Variants in KLF12 observed in about 807,000 individuals in gnomAD.
KLF12 encodes Krueppel-like factor 12.
In KLF12, 9 loss-of-function variants were observed where a neutral mutation model predicts 37.8. That is an observed-to-expected ratio of 0.24 (90% confidence interval 0.14 to 0.42). The LOEUF (loss-of-function observed/expected upper bound fraction) is 0.42. Among genes scored for constraint, KLF12 ranks in the 10% least tolerant of loss-of-function variants. KLF12 has a pLI of 1.00. For missense variants in KLF12, 411 were observed against 516.0 expected (o/e 0.80, Z 1.97); for synonymous variants, 208 against 202.1 (o/e 1.03, Z -0.25).
At chr13:74,022,454 A>G (rs1892864642) in intron 1 of KLF12, among the ~76,000 whole-genome samples, 1 of 149,782 alleles carries the variant, frequency 6.7e-6, no homozygotes, top group Non-Finnish European at 1.5e-5. Flanking sequence ...CAGTGGCCAC[A>G]GTCTCCCACT....
At chr13:74,191,413 T>C in the KLF12 span, among the ~76,000 whole-genome samples, 1 of 152,174 alleles carries the variant, frequency 6.6e-6, no homozygotes, top group Non-Finnish European at 1.5e-5. Flanking sequence ...TTTTGTTGAG[T>C]TATATTTATT....
chr13:73,774,092 C>A (rs1290883589), intron 5 of KLF12, among the ~76,000 whole-genome samples: 1 of 152,054 alleles, frequency 6.6e-6, no homozygotes, highest in African/African-American at 2.4e-5. Context: ...CCACTTTATG[C>A]CTAGTACCAG....
intron 1 of KLF12, among the ~76,000 whole-genome samples, chr13:73,997,559 A>G (rs1892158056): frequency 6.6e-6 from 1 of 152,182 alleles, no homozygotes; most frequent in South Asian, 2.1e-4. Context: ...TTTTCCCCCC[A>G]ATCCCTATCA....
At chr13:74,123,857 G>T (rs1158944008) in intron 1 of KLF12, among the ~76,000 whole-genome samples, 1 of 152,164 alleles carries the variant, frequency 6.6e-6, no homozygotes, top group East Asian at 1.9e-4. Flanking sequence ...GGCAATTAGG[G>T]TTCTAGTTCT....
At chr13:74,017,532 T>C (rs1319343641) in intron 1 of KLF12, among the ~76,000 whole-genome samples, 3 of 151,390 alleles carry the variant, frequency 2.0e-5, no homozygotes, top group Non-Finnish European at 4.4e-5. Flanking sequence ...TGGTACCAAC[T>C]TTATCAAAAG....
intron 3 of KLF12, among the ~76,000 whole-genome samples, chr13:73,886,538 T>A (rs1840689347): frequency 6.6e-6 from 1 of 151,996 alleles, no homozygotes; most frequent in African/African-American, 2.4e-5. Context: ...AATACCTAGG[T>A]GATGGGCTGA....
the KLF12 span, among the ~76,000 whole-genome samples, chr13:74,292,877 G>A: frequency 6.6e-5 from 10 of 152,202 alleles, 1 homozygote; most frequent in East Asian, 1.9e-3. Flanking sequence ...AGCATGTCAG[G>A]TCCACATGAG....
chr13:74,078,410 A>C (rs1211384368), intron 1 of KLF12, among the ~76,000 whole-genome samples: 1 of 152,342 alleles, frequency 6.6e-6, no homozygotes, highest in East Asian at 1.9e-4. Flanking sequence ...GAAACAGAAG[A>C]CACGTGCTTG....
At chr13:73,993,347 A>C (rs1892023987) in intron 2 of KLF12, among the ~76,000 whole-genome samples, 4 of 152,248 alleles carry the variant, frequency 2.6e-5, no homozygotes, top group Admixed American at 2.6e-4. Flanking sequence ...CATAAATTAC[A>C]GTCAATCATA....
chr13:73,846,729 G>C (rs1050041048), intron 3 of KLF12, among the ~76,000 whole-genome samples: 5 of 151,948 alleles, frequency 3.3e-5, no homozygotes, highest in African/African-American at 1.2e-4. Context: ...ATATTACCTG[G>C]CAACAATAGT....
intron 2 of KLF12, among the ~76,000 whole-genome samples, chr13:73,961,497 G>C (rs1179643882): frequency 6.6e-6 from 1 of 152,132 alleles, no homozygotes; most frequent in East Asian, 1.9e-4. Context: ...AGAAAACTCT[G>C]TGAGAACCAG....
At chr13:73,895,935 C>G (rs1312962554) in intron 3 of KLF12, among the ~76,000 whole-genome samples, 5 of 151,902 alleles carry the variant, frequency 3.3e-5, no homozygotes, top group Non-Finnish European at 7.4e-5. Context: ...ATTCTCCTAC[C>G]TCAGCCTCCC....
chr13:74,044,559 A>G (rs888954867), intron 1 of KLF12, among the ~76,000 whole-genome samples: 1 of 152,204 alleles, frequency 6.6e-6, no homozygotes, highest in African/African-American at 2.4e-5. Flanking sequence ...AGAGTTACCA[A>G]TGGCAAGCTG....
chr13:73,875,772 A>T (rs1886676267), intron 3 of KLF12, among the ~76,000 whole-genome samples: 3 of 152,242 alleles, frequency 2.0e-5, no homozygotes, highest in South Asian at 2.1e-4. Flanking sequence ...TGCTATTTTT[A>T]AAAAATGCTT....
intron 1 of KLF12, among the ~76,000 whole-genome samples, chr13:74,069,265 A>G (rs951281275): frequency 6.6e-6 from 1 of 152,220 alleles, no homozygotes; most frequent in Non-Finnish European, 1.5e-5. Context: ...GACTTTTCCT[A>G]TAGGTGGTTC....
intron 3 of KLF12, among the ~76,000 whole-genome samples, chr13:73,913,466 T>C (rs982514793): frequency 6.6e-6 from 1 of 152,202 alleles, no homozygotes; most frequent in African/African-American, 2.4e-5. Context: ...TGATGGTGTG[T>C]GACAAGGCCA....
the KLF12 span, among the ~76,000 whole-genome samples, chr13:74,211,048 C>T: frequency 6.6e-6 from 1 of 152,188 alleles, no homozygotes; most frequent in African/African-American, 2.4e-5. Flanking sequence ...GTTCACAGCA[C>T]AACTCAAGGA....
chr13:73,867,638 A>G (rs974670038), intron 3 of KLF12, among the ~76,000 whole-genome samples: 2 of 152,024 alleles, frequency 1.3e-5, no homozygotes, highest in African/African-American at 4.8e-5. Context: ...TATCTTACTT[A>G]TTTAGAACAA....
chr13:74,169,528 T>C, the KLF12 span, among the ~76,000 whole-genome samples: 15 of 152,350 alleles, frequency 9.8e-5, no homozygotes, highest in African/African-American at 3.6e-4. Context: ...AATCTATGTA[T>C]AAAGAAGCAT....
Sources: allele counts gnomAD v4.1 joint callset (sites outside exome capture counted in the v4.1 genomes callset), GRCh38; gene constraint gnomAD v4.1.1; transcripts MANE v1.5; gene names NCBI Gene and HGNC (gene_info 2026-07-23, HGNC 2026-07-21).